LAMA4: variants seen among roughly 807,000 people sequenced by gnomAD.
The protein encoded by LAMA4 is laminin subunit alpha 4, also known as laminin subunit alpha-4.
LAMA4 carries 127 observed loss-of-function variants against 207.1 expected under a neutral mutation model. That is an observed-to-expected ratio of 0.61 (90% CI 0.53 to 0.71). The LOEUF is 0.71. Among genes scored for constraint, LAMA4 ranks in the 30% least tolerant of loss-of-function variants. The pLI is 0.00. For missense variants in LAMA4, 2,093 were observed against 2,246.5 expected, an observed-to-expected ratio of 0.93 and a Z score of 1.38; for synonymous variants, 761 against 816.0, an observed-to-expected ratio of 0.93 and a Z score of 1.15.
Position 112,177,090 on chromosome 6 carries a change from C to G in LAMA4, c.1189+1031G>C, listed in dbSNP as rs1390079019. Among the ~76,000 whole-genome samples the G allele has an allele frequency of 2.0e-5, 3 of 151,938 alleles. No homozygotes were observed. The East Asian group carries it at 5.8e-4, about 29-fold the overall frequency. ...TCTAGGTTCAATCTCACTTTTTGAA[C>G]AAATCAATAGTAACTCTAAAATGCT... On this transcript the variant is annotated intron_variant, in intron 10 of 38. Coordinates refer to ENST00000230538, the MANE Select transcript of LAMA4 (RefSeq NM_001105206.3).
intron 11 of LAMA4, among the ~76,000 whole-genome samples, chr6:112,174,493 T>TTTTTG (rs1270582240): frequency 6.6e-6 from 1 of 151,922 alleles, no homozygotes; most frequent in Non-Finnish European, 1.5e-5. Flanking sequence ...TTTGGGGTGG[T>TTTTTG]TTTTGTTTTG....
chr6:112,167,840 TCACACACACACA>T (rs71021873), intron 12 of LAMA4, among the ~76,000 whole-genome samples: 40,217 of 125,810 alleles, frequency 0.32, 6,638 homozygotes, highest in Middle Eastern at 0.47. Context: ...ATGCATACCA[TCACACACACACA>T]CACACACACA....
rs201316860 is a variant in LAMA4 at position 112,159,324 on chromosome 6, A to C, written c.1669-444T>G. 26 of 108,472 alleles carry C rather than the reference A, an allele frequency of 2.4e-4. No individual in the cohort carries two copies. The South Asian group carries it at 4.1e-3, about 17-fold the overall frequency. 6.7% of individuals were successfully genotyped at this position (108,472 alleles called of 1,614,324 possible). ...TTCTACTCCATTACTCTACCAAAAG[A>C]GAAGTTAATTACATCTAAGTTACTA... On this transcript the variant is annotated intron_variant, in intron 13 of 38. Transcript: ENST00000230538.
intron 4 of LAMA4, 115 bp from the exon 5 acceptor site, chr6:112,201,803 C>A: frequency 1.1e-6 from 1 of 876,972 alleles, no homozygotes. Flanking sequence ...TGGGTGCAAT[C>A]ATTTTCTTTA....
chr6:112,164,803 A>G (rs1554339438), intron 13 of LAMA4, among the ~76,000 whole-genome samples: 1 of 152,188 alleles, frequency 6.6e-6, no homozygotes, highest in East Asian at 1.9e-4. Context: ...AGCATTTTCA[A>G]TAGAACTCTC....
At position 112,129,938 on chromosome 6, in the gene LAMA4, G is replaced by A. The variant is rs1778927968; in HGVS notation, c.4071C>T (p.Gly1357=). 1.9e-6 allele frequency: 3 copies of A among 1,612,906 alleles called. No homozygotes were observed. The highest frequency in any genetic ancestry group is 2.7e-5 in the African/African-American group (2 of 74,988). The change falls in exon 30 of 39, where the codon GGC becomes GGT. Residue 1357 remains glycine, a synonymous_variant. Coordinates refer to ENST00000230538, the MANE Select transcript of LAMA4 (RefSeq NM_001105206.3). ...TAGCATACTGAGCACTGATTGGTGA[G>A]CCACCGAAGTAAAACTTCTTTTCAC... The part of the protein sequence containing the change: ...QASEKKFYFG[G]SPISAQYANF...
Position 112,254,458 on chromosome 6 carries a change from C to A in LAMA4, c.-142+1G>T. ...AGAACCTACAGATGGACGGAGCTTA[C>A]AGTACGGCATCAAAAGGCAGACGGA... is the stretch of plus-strand genomic sequence containing the variant. On this transcript the variant is annotated splice_donor_variant, in intron 1 of 38. Coordinates refer to ENST00000230538, the MANE Select transcript of LAMA4 (RefSeq NM_001105206.3). LOFTEE classifies it low-confidence loss of function (5UTR_SPLICE). 4.4e-6 allele frequency: 2 copies of A among 452,036 alleles called. No homozygotes were observed. Among genetic ancestry groups the A allele is most frequent in the Non-Finnish European group, 8.2e-6 (2 of 243,716 alleles). The allele number at this position is 452,036 out of a possible 1,614,324, so 28.0% of individuals were successfully genotyped here. A position where few individuals can be genotyped will look rare whatever the true frequency, so the allele number is the denominator to read the frequency against.
chr6:112,216,934 G>A (rs968106660), intron 2 of LAMA4, among the ~76,000 whole-genome samples: 2 of 152,180 alleles, frequency 1.3e-5, no homozygotes, highest in African/African-American at 4.8e-5. Flanking sequence ...CTATAGGATA[G>A]CAACTGAGTC....
At chr6:112,242,477 A>T (rs1052258095) in intron 2 of LAMA4, among the ~76,000 whole-genome samples, 1 of 152,124 alleles carries the variant, frequency 6.6e-6, no homozygotes, top group Admixed American at 6.5e-5. Flanking sequence ...ATTCAAGCCC[A>T]CCTGTATTTG....
intron 2 of LAMA4, among the ~76,000 whole-genome samples, chr6:112,249,848 G>A (rs1787302224): frequency 6.6e-6 from 1 of 152,196 alleles, no homozygotes; most frequent in African/African-American, 2.4e-5. Flanking sequence ...TGTTTGGCAA[G>A]TAAGTTTTGT....
At chr6:112,134,723 G>T in intron 25 of LAMA4, 114 bp from the exon 26 acceptor site, 3 of 858,618 alleles carry the variant, frequency 3.5e-6, no homozygotes, top group South Asian at 1.5e-5. Flanking sequence ...ATGCCTTTGT[G>T]CTTGTTTGTT....
intron 4 of LAMA4, among the ~76,000 whole-genome samples, chr6:112,202,921 T>G (rs1783844060): frequency 6.6e-6 from 1 of 152,166 alleles, no homozygotes; most frequent in Non-Finnish European, 1.5e-5. Context: ...CTGTAGCTGG[T>G]GTCCTGCTGT....
At chr6:112,193,173 G>A (rs1369818615) in intron 5 of LAMA4, among the ~76,000 whole-genome samples, 1 of 152,138 alleles carries the variant, frequency 6.6e-6, no homozygotes, top group Non-Finnish European at 1.5e-5. Flanking sequence ...AGTTAGTTCT[G>A]TTGCATGAGA....
Position 112,136,109 on chromosome 6 carries a change from A to G in LAMA4, c.3414+14T>C. On this transcript the variant is annotated intron_variant, in intron 25 of 38. Transcript: ENST00000230538. ...GAACAAAAACAAAACCAACCAAACTACAATGATTTGTACCTCATGGTATTT... is the reference window on the plus strand; with the variant it reads ...GAACAAAAACAAAACCAACCAAACTGCAATGATTTGTACCTCATGGTATTT... 1 of 1,610,368 alleles carries G rather than the reference A, an allele frequency of 6.2e-7. No individual in the cohort carries two copies. The highest frequency in any genetic ancestry group is 8.5e-7 in the Non-Finnish European group (1 of 1,178,838).
intron 2 of LAMA4, chr6:112,218,257 C>A (rs1784739211): frequency 6.6e-6 from 1 of 152,188 alleles, no homozygotes; most frequent in Non-Finnish European, 1.5e-5. Flanking sequence ...GACCATATTA[C>A]AGTCTTCTGG....
intron 31 of LAMA4, among the ~76,000 whole-genome samples, chr6:112,128,610 A>C (rs1778840163): frequency 6.6e-6 from 1 of 152,184 alleles, no homozygotes; most frequent in African/African-American, 2.4e-5. Context: ...AGAAATAATA[A>C]ATGTTTGAGA....
At chr6:112,175,657 A>G (rs1052556417) in intron 10 of LAMA4, among the ~76,000 whole-genome samples, 177 bp from the exon 11 acceptor site, 2 of 152,246 alleles carry the variant, frequency 1.3e-5, no homozygotes, top group South Asian at 4.1e-4. Context: ...ATGGAAGCTC[A>G]TCATCTATTC....
In LAMA4 at chr6:112,172,618, T is replaced by C; in HGVS notation, c.1544A>G (p.Asp515Gly). 1.9e-6 allele frequency: 3 copies of C among 1,612,766 alleles called. No homozygotes were observed. The highest frequency in any genetic ancestry group is 2.5e-6 in the Non-Finnish European group (3 of 1,179,996). The change falls in exon 12 of 39, where the codon GAC becomes GGC. Residue 515 changes from aspartate to glycine, a missense_variant. By Grantham distance (94) the Asp-to-Gly change is moderately conservative. Around this residue, in one of 3 missense-constraint regions of LAMA4, gnomAD observed 1,704 missense variants for 1,788.4 expected, o/e 0.95. Coordinates refer to ENST00000230538, the MANE Select transcript of LAMA4 (RefSeq NM_001105206.3). ...GGTGAGTGTCCGCTGTACCTCATGG[T>C]CCCGCTGCCTGGCTGCTGTGGCCCT... ...MNRATAARQR[D>G]HEKQQERVRE...
At chr6:112,203,147 AT>A (rs1400589841) in intron 4 of LAMA4, among the ~76,000 whole-genome samples, 3 of 152,216 alleles carry the variant, frequency 2.0e-5, no homozygotes, top group African/African-American at 7.2e-5. Context: ...TTAACTGTTT[AT>A]GTTTTGTCTG....
Sources: gnomAD v4.1 joint callset for allele counts (sites outside exome capture counted in the v4.1 genomes callset) on GRCh38, gnomAD v4.1.1 for gene constraint, gnomAD v4.1.1 regional missense constraint, MANE v1.5 for transcripts, NCBI Gene and HGNC (gene_info 2026-07-23, HGNC 2026-07-21) for gene names.